The following RGS7 variants were observed in gnomAD, a reference collection of about 807,000 sequenced individuals.
The protein encoded by RGS7 is regulator of G-protein signaling 7.
Under a neutral mutation model 81.1 loss-of-function variants are expected in RGS7, and 27 were observed. That is an observed-to-expected ratio of 0.33 (90% CI 0.25 to 0.46). The LOEUF (loss-of-function observed/expected upper bound fraction) is 0.46, where lower values mean the gene tolerates loss of function less well. Among genes scored for constraint, RGS7 ranks in the 20% least tolerant of loss-of-function variants. The probability of loss-of-function intolerance (pLI) is 1.00; values close to 1 mark genes in which losing one functional copy is unlikely to be tolerated. For synonymous variants in RGS7, 208 were observed against 207.7 expected (o/e 1.00, Z -0.01); for missense variants, 396 against 607.4 (o/e 0.65, Z 3.66).
intron 3 of RGS7, among the ~76,000 whole-genome samples, chr1:241,003,514 T>C (rs1203868233): frequency 1.3e-5 from 2 of 151,724 alleles, no homozygotes; most frequent in Non-Finnish European, 2.9e-5. Context: ...TATCATGCTA[T>C]TCTGATGATG....
At chr1:240,899,708 GC>G (rs1669669858) in intron 6 of RGS7, among the ~76,000 whole-genome samples, 1 of 152,142 alleles carries the variant, frequency 6.6e-6, no homozygotes, top group Non-Finnish European at 1.5e-5. Flanking sequence ...CTCTCTGGCT[GC>G]CCTTAACATT....
intron 5 of RGS7, among the ~76,000 whole-genome samples, chr1:240,933,017 G>A (rs961752018): frequency 2.0e-5 from 3 of 148,700 alleles, no homozygotes; most frequent in African/African-American, 2.5e-5. Context: ...CCGAGTAGCT[G>A]GGACTACAGG....
At chr1:241,089,059 CTCTCTATA>C (rs1343756580) in intron 3 of RGS7, among the ~76,000 whole-genome samples, 151 of 43,930 alleles carry the variant, frequency 3.4e-3, no homozygotes, top group South Asian at 4.4e-3. Flanking sequence ...CTCTCTCTCT[CTCTCTATA>C]TATATATATA....
At chr1:240,995,824 G>A (rs1356682542) in intron 3 of RGS7, among the ~76,000 whole-genome samples, 5 of 148,160 alleles carry the variant, frequency 3.4e-5, no homozygotes, top group Middle Eastern at 3.5e-3. Flanking sequence ...ATTGATTTAT[G>A]CTCTTTATTA....
intron 2 of RGS7, among the ~76,000 whole-genome samples, chr1:241,203,422 G>A (rs532999105): frequency 1.3e-5 from 2 of 151,964 alleles, no homozygotes; most frequent in East Asian, 1.9e-4. Flanking sequence ...TAGTAGAGAC[G>A]GGTTTCACTG....
At chr1:240,856,203 G>T (rs1307134762) in intron 9 of RGS7, among the ~76,000 whole-genome samples, 3 of 152,010 alleles carry the variant, frequency 2.0e-5, no homozygotes, top group African/African-American at 7.3e-5. Flanking sequence ...GATTTATTCT[G>T]CTGTCTTTAT....
chr1:241,255,504 G>A (rs990682743), intron 2 of RGS7, among the ~76,000 whole-genome samples: 1 of 152,166 alleles, frequency 6.6e-6, no homozygotes, highest in Non-Finnish European at 1.5e-5. Context: ...ACAGAAAAAT[G>A]AGCAGGCCTG....
At chr1:240,905,870 C>T (rs990900458) in intron 6 of RGS7, among the ~76,000 whole-genome samples, 6 of 152,146 alleles carry the variant, frequency 3.9e-5, no homozygotes, top group Non-Finnish European at 8.8e-5. Context: ...AAGAGAATGC[C>T]TTGCACATGA....
chr1:241,235,962 G>T (rs6656745), intron 2 of RGS7, among the ~76,000 whole-genome samples: 1 of 118,060 alleles, frequency 8.5e-6, no homozygotes, highest in South Asian at 2.5e-4. Context: ...GGAGAGGAGA[G>T]AGTAAGAGTT....
At chr1:240,951,947 A>C (rs927469719) in intron 4 of RGS7, among the ~76,000 whole-genome samples, 2 of 152,210 alleles carry the variant, frequency 1.3e-5, no homozygotes, top group Non-Finnish European at 2.9e-5. Flanking sequence ...TTCTCATCAG[A>C]AACTATGTGG....
At chr1:241,075,555 T>C (rs1015530422) in intron 3 of RGS7, among the ~76,000 whole-genome samples, 4 of 152,104 alleles carry the variant, frequency 2.6e-5, no homozygotes, top group Non-Finnish European at 5.9e-5. Flanking sequence ...AGAATTGTCT[T>C]GGGCCATACA....
intron 10 of RGS7, among the ~76,000 whole-genome samples, chr1:240,826,826 G>T (rs991425463): frequency 4.0e-5 from 6 of 148,510 alleles, no homozygotes; most frequent in Non-Finnish European, 4.4e-5. Flanking sequence ...GTTTTAAAAT[G>T]CCCTTCTCTC....
chr1:240,936,800 A>T (rs1256556632), intron 4 of RGS7, 94 bp from the exon 5 acceptor site: 17 of 905,264 alleles, frequency 1.9e-5, no homozygotes, highest in Non-Finnish European at 2.9e-5. Flanking sequence ...CTTTTGTCAG[A>T]TACAGTAAGT....
chr1:240,851,997 A>T (rs1660197036), intron 9 of RGS7, among the ~76,000 whole-genome samples: 1 of 152,206 alleles, frequency 6.6e-6, no homozygotes, highest in African/African-American at 2.4e-5. Flanking sequence ...ATATTATATA[A>T]ACTTAGTTGA....
intron 10 of RGS7, among the ~76,000 whole-genome samples, chr1:240,819,127 T>C (rs2103132692): frequency 6.6e-6 from 1 of 152,338 alleles, no homozygotes; most frequent in South Asian, 2.1e-4. Flanking sequence ...CTGCTAGTTT[T>C]TCAACTGTAT....
intron 9 of RGS7, among the ~76,000 whole-genome samples, chr1:240,858,484 C>T (rs575200421): frequency 3.3e-5 from 5 of 152,252 alleles, no homozygotes; most frequent in East Asian, 3.9e-4. Flanking sequence ...GCCCTAATGA[C>T]GTGATGTTGA....
intron 18 of RGS7, among the ~76,000 whole-genome samples, chr1:240,795,786 TAAAG>T (rs1380458006): frequency 6.6e-6 from 1 of 152,174 alleles, no homozygotes; most frequent in African/African-American, 2.4e-5. Context: ...TTTAAGTGAA[TAAAG>T]AATGTTTCAA....
rs1682890658 is a variant in RGS7 at position 240,776,172 on chromosome 1, C to T, written c.*48G>A. ...CTACAAGATGATCCGTTTAGTAAGA[C>T]TGAGCAAGGCTTGTTAACCTCTTGG... is the stretch of plus-strand genomic sequence containing the variant. On this transcript the variant is annotated 3_prime_UTR_variant, in exon 19 of 19. Transcript: ENST00000440928. 3 of 1,611,346 alleles carry T rather than the reference C, an allele frequency of 1.9e-6. No homozygotes were observed. The highest frequency in any genetic ancestry group is 2.2e-5 in the East Asian group (1 of 44,862).
At chr1:240,882,039 C>T (rs975892401) in intron 6 of RGS7, among the ~76,000 whole-genome samples, 1 of 152,058 alleles carries the variant, frequency 6.6e-6, no homozygotes, top group Admixed American at 6.6e-5. Flanking sequence ...CTCAGCCTCC[C>T]GAGTAGCTGG....
Sources: gnomAD v4.1 joint callset for allele counts (sites outside exome capture counted in the v4.1 genomes callset) on GRCh38, gnomAD v4.1.1 for gene constraint, MANE v1.5 for transcripts, NCBI Gene and HGNC (gene_info 2026-07-23, HGNC 2026-07-21) for gene names.